CFTR: variants seen among roughly 807,000 people sequenced by gnomAD.
CFTR encodes the protein cystic fibrosis transmembrane conductance regulator.
A neutral mutation model predicts 171.6 loss-of-function variants in CFTR; 181 were observed. That is an observed-to-expected ratio of 1.05 (90% CI 0.93 to 1.19). CFTR has a LOEUF of 1.19. Among genes scored for constraint, CFTR ranks in the 50% most tolerant of loss-of-function variants. CFTR has a pLI of 0.00. For missense variants in CFTR, 1,968 were observed against 1,734.7 expected, an observed-to-expected ratio of 1.13 and a Z score of -2.39; for synonymous variants, 583 against 608.0, an observed-to-expected ratio of 0.96 and a Z score of 0.60.
intron 18 of CFTR, among the ~76,000 whole-genome samples, chr7:117,608,057 A>G (rs773507668): frequency 3.7e-4 from 56 of 152,198 alleles, no homozygotes; most frequent in Non-Finnish European, 5.0e-4. Flanking sequence ...GTATTTGCCA[A>G]TGGTGCCTCT....
At chr7:117,559,314 A>G (rs1584798093) in intron 10 of CFTR, 150 bp from the exon 11 acceptor site, 1 of 667,714 alleles carries the variant, frequency 1.5e-6, no homozygotes, top group East Asian at 2.7e-5. Context: ...AGTACCTGAA[A>G]CAGGAAGTAT....
chr7:117,529,506 T>TGA (rs1468987460), intron 3 of CFTR, among the ~76,000 whole-genome samples: 1 of 109,700 alleles, frequency 9.1e-6, no homozygotes, highest in Non-Finnish European at 1.7e-5. Context: ...CCCTAAAACT[T>TGA]AGAGTATAAA....
chr7:117,622,390 G>A (rs1283613419), intron 21 of CFTR, among the ~76,000 whole-genome samples: 2 of 152,058 alleles, frequency 1.3e-5, no homozygotes, highest in Non-Finnish European at 2.9e-5. Flanking sequence ...CTGTGTTAGC[G>A]AGTATTGAAA....
At position 117,642,566 on chromosome 7, in the gene CFTR, G is replaced by C. The variant is rs77010898; in HGVS notation, c.3846G>C (p.Trp1282Cys). The C allele has an allele frequency of 1.9e-6, 3 of 1,613,376 alleles. No individual in the cohort carries two copies. In the African/African-American group the frequency reaches 4.0e-5, roughly 22 times the overall value. ...VSWDSITLQQ[W>C]RKAFGVIPQK... ...GGGATTCAATAACTTTGCAACAGTG[G>C]AGGAAAGCCTTTGGAGTGATACCAC... is the stretch of plus-strand genomic sequence containing the variant. The change falls in exon 23 of 27, where the codon TGG becomes TGC. Residue 1282 changes from tryptophan (W) to cysteine (C), a missense_variant. Coordinates refer to ENST00000003084, the MANE Select transcript of CFTR (RefSeq NM_000492.4).
intron 22 of CFTR, among the ~76,000 whole-genome samples, chr7:117,638,060 C>G (rs2116154837): frequency 6.6e-6 from 1 of 152,260 alleles, no homozygotes; most frequent in Non-Finnish European, 1.5e-5. Flanking sequence ...GAATCTCCAG[C>G]AATTTTTCAC....
chr7:117,525,959 T>A (rs200559174), intron 3 of CFTR, among the ~76,000 whole-genome samples: 1 of 148,602 alleles, frequency 6.7e-6, no homozygotes, highest in South Asian at 2.2e-4. Flanking sequence ...CATTAGTTGA[T>A]GCAGTTTCTT....
intron 11 of CFTR, among the ~76,000 whole-genome samples, chr7:117,583,373 C>G (rs981792734): frequency 6.6e-6 from 1 of 151,746 alleles, no homozygotes; most frequent in Non-Finnish European, 1.5e-5. Context: ...AATTATTATG[C>G]CTTTGCAGCC....
At chr7:117,663,978 A>T (rs1269818732) in intron 24 of CFTR, among the ~76,000 whole-genome samples, 1 of 152,142 alleles carries the variant, frequency 6.6e-6, no homozygotes, top group Non-Finnish European at 1.5e-5. Context: ...CTTTGACTCT[A>T]ATACAGCCCT....
intron 23 of CFTR, among the ~76,000 whole-genome samples, chr7:117,651,646 G>A (rs1793091881): frequency 6.6e-6 from 1 of 152,124 alleles, no homozygotes; most frequent in Non-Finnish European, 1.5e-5. Flanking sequence ...AGAAATATCA[G>A]CATGGAGGTC....
Position 117,614,613 on chromosome 7 carries a change from G to T in CFTR, c.3368G>T (p.Gly1123Val). ...AVTFISILTT[G>V]EGEGRVGIIL... ...ATTTACGTCTTTTGTGCATCTATAG[G>T]AGAAGGAGAAGGAAGAGTTGGTATT... is the stretch of plus-strand genomic sequence containing the variant. Residue 1123 changes from glycine to valine, a missense_variant and splice_region_variant, in exon 21 of 27, where the codon GGA becomes GTA. By Grantham distance (109) the Gly-to-Val change is moderately radical. Transcript: ENST00000003084. 6.3e-7 allele frequency: 1 copy of T among 1,598,774 alleles called. No homozygotes were observed. The highest frequency in any genetic ancestry group is 1.1e-5 in the South Asian group (1 of 90,780).
At chr7:117,627,472 G>T (rs1792668298) in intron 21 of CFTR, 50 bp from the exon 22 acceptor site, 3 of 1,599,424 alleles carry the variant, frequency 1.9e-6, no homozygotes, top group African/African-American at 2.7e-5. Context: ...AACTAATTGT[G>T]AAATTGTCTG....
intron 21 of CFTR, among the ~76,000 whole-genome samples, chr7:117,624,700 A>T (rs2116121730): frequency 6.6e-6 from 1 of 152,210 alleles, no homozygotes; most frequent in South Asian, 2.1e-4. Context: ...GACCCCATTT[A>T]TGGGGTGAGG....
Position 117,606,669 on chromosome 7 carries a change from T to TATAGGTGGGATTCTTA in CFTR, c.2909_2924dup. ...TTGAGGAATTTGTCATCTTGTATAT[T>TATAGGTGGGATTCTTA]ATAGGTGGGATTCTTAATAGATTCT... On this transcript the variant is annotated splice_polypyrimidine_tract_variant and splice_region_variant and intron_variant, in intron 17 of 26. Coordinates refer to ENST00000003084, the MANE Select transcript of CFTR (RefSeq NM_000492.4). The TATAGGTGGGATTCTTA allele has an allele frequency of 6.7e-7, 1 of 1,485,556 alleles. No individual in the cohort carries two copies. Among genetic ancestry groups the TATAGGTGGGATTCTTA allele is most frequent in the African/African-American group, 1.4e-5 (1 of 72,278 alleles). The allele number at this position is 1,485,556 out of a possible 1,614,324, so 92.0% of individuals were successfully genotyped here.
At chr7:117,600,863 A>T (rs531094903) in intron 15 of CFTR, among the ~76,000 whole-genome samples, 1 of 152,174 alleles carries the variant, frequency 6.6e-6, no homozygotes, top group South Asian at 2.1e-4. Context: ...GAACTTGCTT[A>T]CTCAATTGCT....
At chr7:117,578,945 T>A (rs1444977174) in intron 11 of CFTR, among the ~76,000 whole-genome samples, 2 of 152,110 alleles carry the variant, frequency 1.3e-5, no homozygotes, top group African/African-American at 4.8e-5. Flanking sequence ...TTGCTTCTTC[T>A]TTCAAAGTCA....
At position 117,579,231 on chromosome 7, in the gene CFTR, A is replaced by G. The variant is rs1791816374; in HGVS notation, c.1585-8508A>G. 2.0e-5 allele frequency among the ~76,000 whole-genome samples: 3 copies of G among 152,164 alleles called. No individual in the cohort carries two copies. In the South Asian group the frequency reaches 6.2e-4, roughly 32 times the overall value. ...AAGTATATAAAATAAGATCTGGATG[A>G]ATAGAAAGATCATAATTTTTAATAA... On this transcript the variant is annotated intron_variant, in intron 11 of 26. Coordinates refer to ENST00000003084, the MANE Select transcript of CFTR (RefSeq NM_000492.4).
intron 1 of CFTR, among the ~76,000 whole-genome samples, chr7:117,488,524 G>T (rs1186405258): frequency 2.0e-5 from 3 of 151,704 alleles, no homozygotes; most frequent in African/African-American, 4.8e-5. Context: ...CTCTTTTTTT[G>T]GAATATGCAT....
chr7:117,659,243 C>T (rs536425168), intron 24 of CFTR, among the ~76,000 whole-genome samples: 5 of 152,242 alleles, frequency 3.3e-5, no homozygotes, highest in African/African-American at 7.2e-5. Flanking sequence ...CTCCAGGTCT[C>T]GGTTTCCTAG....
intron 3 of CFTR, among the ~76,000 whole-genome samples, chr7:117,530,495 A>G (rs1051954653): frequency 6.6e-6 from 1 of 152,208 alleles, no homozygotes; most frequent in Non-Finnish European, 1.5e-5. Flanking sequence ...TGTAGCAAAG[A>G]AAGTCTCTAT....
Sources: allele counts gnomAD v4.1 joint callset (sites outside exome capture counted in the v4.1 genomes callset), GRCh38; gene constraint gnomAD v4.1.1; transcripts MANE v1.5; gene names NCBI Gene and HGNC (gene_info 2026-07-23, HGNC 2026-07-21).